SPOCK3: variants seen among roughly 807,000 people sequenced by gnomAD.
The protein encoded by SPOCK3 is SPARC (osteonectin), cwcv and kazal like domains proteoglycan 3.
A neutral mutation model predicts 56.6 loss-of-function variants in SPOCK3; 30 were observed. That is an observed-to-expected ratio of 0.53 (90% CI 0.40 to 0.72). The LOEUF is 0.72. Among genes scored for constraint, SPOCK3 ranks in the 30% least tolerant of loss-of-function variants. The pLI, the probability that SPOCK3 is intolerant of heterozygous loss-of-function variation, is 0.00. For missense variants in SPOCK3, 527 were observed against 530.0 expected, an observed-to-expected ratio of 0.99 and a Z score of 0.06; for synonymous variants, 196 against 183.3, an observed-to-expected ratio of 1.07 and a Z score of -0.56.
intron 3 of SPOCK3, among the ~76,000 whole-genome samples, chr4:167,017,069 T>C (rs1580005596): frequency 6.6e-6 from 1 of 152,042 alleles, no homozygotes; most frequent in Non-Finnish European, 1.5e-5. Flanking sequence ...TTGGAATAAA[T>C]GAGGGGAAAA....
Position 166,881,395 on chromosome 4 carries a change from A to T in SPOCK3, c.589+7735T>A, listed in dbSNP as rs926479825. ...TGATTTCAAAGTATAATTACAAAAT[A>T]AAAAAGCATAGAATTGTACATACAG... On this transcript the variant is annotated intron_variant, in intron 6 of 10. Transcript: ENST00000357545. Among the ~76,000 whole-genome samples, 23 of 152,074 alleles carry T rather than the reference A, an allele frequency of 1.5e-4. 1 individual carries two copies. Among genetic ancestry groups the T allele is most frequent in the African/African-American group, 5.3e-4 (22 of 41,590 alleles).
At chr4:166,742,861 A>G (rs1735038954) in intron 8 of SPOCK3, among the ~76,000 whole-genome samples, 2 of 152,280 alleles carry the variant, frequency 1.3e-5, no homozygotes, top group East Asian at 3.9e-4. Context: ...TATTACTCTT[A>G]TATTTACTGT....
intron 4 of SPOCK3, among the ~76,000 whole-genome samples, chr4:166,978,340 T>C (rs1746186582): frequency 6.6e-6 from 1 of 152,084 alleles, no homozygotes; most frequent in South Asian, 2.1e-4. Context: ...AAAAGGATAA[T>C]GAACAGCAAT....
intron 2 of SPOCK3, among the ~76,000 whole-genome samples, chr4:167,174,426 C>A (rs1324742480): frequency 7.4e-6 from 1 of 135,882 alleles, no homozygotes; most frequent in African/African-American, 3.2e-5. Context: ...AGATTATACT[C>A]TAAAATTTTG....
chr4:167,149,215 A>G (rs1051465589), intron 2 of SPOCK3, among the ~76,000 whole-genome samples: 1 of 152,174 alleles, frequency 6.6e-6, no homozygotes, highest in Admixed American at 6.5e-5. Context: ...TCTTCTACAT[A>G]GCAAATATAT....
chr4:167,109,393 A>ATATTTATATATAAATATATAAATG (rs1561225317), intron 2 of SPOCK3, among the ~76,000 whole-genome samples: 2 of 92,042 alleles, frequency 2.2e-5, no homozygotes, highest in African/African-American at 8.9e-5. Context: ...ATATATAAAT[A>ATATTTATATATAAATATATAAATG]TATATTTATA....
chr4:166,802,991 T>C lies in SPOCK3; in HGVS notation c.590-10702A>G, dbSNP rs111634199. ...GTAGAGTCTGCGGTAGTGGTGTTTC[T>C]GTTGCACAAAAGTGTAAAATCAGAT... is the stretch of plus-strand genomic sequence containing the variant. On this transcript the variant is annotated intron_variant, in intron 6 of 10. Transcript: ENST00000357545. Among the ~76,000 whole-genome samples, 710 of 152,302 alleles carry C rather than the reference T, an allele frequency of 4.7e-3. 10 individuals carry two copies. Among genetic ancestry groups the C allele is most frequent in the African/African-American group, 0.016 (680 of 41,576 alleles).
chr4:167,228,913 A>G (rs1736858380), intron 2 of SPOCK3, among the ~76,000 whole-genome samples: 1 of 152,168 alleles, frequency 6.6e-6, no homozygotes, highest in South Asian at 2.1e-4. Flanking sequence ...ATCTGCAAAT[A>G]TATACACTAT....
intron 2 of SPOCK3, among the ~76,000 whole-genome samples, chr4:167,134,240 C>T (rs1251310907): frequency 1.3e-5 from 2 of 151,534 alleles, no homozygotes; most frequent in East Asian, 1.9e-4. Context: ...GCCATTTTGG[C>T]CAGGCTGGTC....
intron 3 of SPOCK3, among the ~76,000 whole-genome samples, chr4:167,056,717 G>A (rs1190509805): frequency 4.6e-5 from 7 of 152,228 alleles, no homozygotes; most frequent in Admixed American, 2.6e-4. Context: ...GAAATGAAGC[G>A]AGAAGGGAAG....
chr4:167,201,275 A>G (rs1002489803), intron 2 of SPOCK3, among the ~76,000 whole-genome samples: 1 of 152,026 alleles, frequency 6.6e-6, no homozygotes, highest in Non-Finnish European at 1.5e-5. Flanking sequence ...ACATTCTTAT[A>G]AAATTATGAT....
chr4:167,128,540 G>T (rs1024297931), intron 2 of SPOCK3, among the ~76,000 whole-genome samples: 1 of 152,052 alleles, frequency 6.6e-6, no homozygotes, highest in Non-Finnish European at 1.5e-5. Context: ...ATATACTGTG[G>T]CCCAGAGAAG....
chr4:166,882,330 A>T (rs1733765149), intron 6 of SPOCK3, among the ~76,000 whole-genome samples: 1 of 152,186 alleles, frequency 6.6e-6, no homozygotes. Context: ...ATATCTCAAC[A>T]TATCCATTTT....
chr4:167,054,627 C>A (rs951836082), intron 3 of SPOCK3, among the ~76,000 whole-genome samples: 4 of 152,160 alleles, frequency 2.6e-5, no homozygotes, highest in African/African-American at 9.7e-5. Context: ...CATTTTGCAG[C>A]AGATTACCAT....
At position 166,930,345 on chromosome 4, in the gene SPOCK3, A is replaced by G. The variant is rs138146628; in HGVS notation, c.351-17602T>C. On this transcript the variant is annotated intron_variant, in intron 4 of 10. Coordinates refer to ENST00000357545, the MANE Select transcript of SPOCK3 (RefSeq NM_001040159.2). ...AAGCTGTCAACATACCTCTTTTACT[A>G]TTTGTGCTATATGTGTGTAGGTCAT... Among the ~76,000 whole-genome samples the G allele has an allele frequency of 1.4e-3, 207 of 152,252 alleles. 7 individuals are homozygous for G. In the East Asian group the frequency reaches 0.021, roughly 16 times the overall value.
At position 167,199,225 on chromosome 4, in the gene SPOCK3, T is replaced by TTGTGTGTGTG. The variant is rs58765976; in HGVS notation, c.189+34750_189+34759dup. On this transcript the variant is annotated intron_variant, in intron 2 of 10. Transcript: ENST00000357545. Reference sequence around the variant, plus strand: ...GATCCTCAATATGCTAAATATTTGTTTGTGTGTGTGTGTGTGTGTGTGTGT... The same window carrying TTGTGTGTGTG: ...GATCCTCAATATGCTAAATATTTGTTTGTGTGTGTGTGTGTGTGTGTGTGTGTGTGTGTGT... Among the ~76,000 whole-genome samples, 225 of 142,060 alleles carry TTGTGTGTGTG rather than the reference T, an allele frequency of 1.6e-3. 1 individual carries two copies. The highest frequency in any genetic ancestry group is 4.6e-3 in the African/African-American group (180 of 39,150). The allele number at this position is 142,060 out of a possible 152,430, so 93.2% of individuals were successfully genotyped here. A position where few individuals can be genotyped will look rare whatever the true frequency, so the allele number is the denominator to read the frequency against.
At chr4:167,028,385 A>ACAG (rs1751927562) in intron 3 of SPOCK3, among the ~76,000 whole-genome samples, 1 of 136,162 alleles carries the variant, frequency 7.3e-6, no homozygotes, top group Non-Finnish European at 1.6e-5. Flanking sequence ...AACAACAACA[A>ACAG]CAACAACAAC....
rs879697482 is a variant in SPOCK3 at position 166,856,800 on chromosome 4, CTATCTATCTAGA to C, written c.589+32318_589+32329del. 4.4e-4 allele frequency among the ~76,000 whole-genome samples: 67 copies of C among 151,512 alleles called. 2 individuals are homozygous for C. The South Asian group carries it at 5.0e-3, about 11-fold the overall frequency. ...AAAAATTATCTATCTATCTATCTATCTATCTATCTAGATATCTAGATATCTAGATATCTCTCT... is the reference window on the plus strand; with the variant it reads ...AAAAATTATCTATCTATCTATCTATCTATCTAGATATCTAGATATCTCTCT... On this transcript the variant is annotated intron_variant, in intron 6 of 10. Coordinates refer to ENST00000357545, the MANE Select transcript of SPOCK3 (RefSeq NM_001040159.2).
intron 2 of SPOCK3, chr4:167,102,352 C>T (rs1382597893): frequency 6.6e-6 from 1 of 152,130 alleles, no homozygotes; most frequent in African/African-American, 2.4e-5. Flanking sequence ...CAGTTTCCTC[C>T]CTTCCCCTGC....
Sources: allele counts gnomAD v4.1 joint callset (sites outside exome capture counted in the v4.1 genomes callset), GRCh38; gene constraint gnomAD v4.1.1; transcripts MANE v1.5; gene names NCBI Gene and HGNC (gene_info 2026-07-23, HGNC 2026-07-21).